Variants in NPAS2 observed in about 807,000 individuals in gnomAD.
NPAS2 encodes the protein neuronal PAS domain protein 2.
Under a neutral mutation model 107.5 loss-of-function variants are expected in NPAS2, and 23 were observed. The observed-to-expected ratio is 0.21, with a 90% CI of 0.15 to 0.30. NPAS2 has a LOEUF of 0.30. Ranked by LOEUF, NPAS2 falls within the 10% of genes least tolerant of loss-of-function variation. The pLI, the probability that NPAS2 is intolerant of heterozygous loss-of-function variation, is 1.00. For missense variants in NPAS2, 756 were observed against 1,043.3 expected, an observed-to-expected ratio of 0.72 and a Z score of 3.79; for synonymous variants, 403 against 417.5, an observed-to-expected ratio of 0.97 and a Z score of 0.42.
chr2:100,927,684 A>G (rs1392930588), intron 3 of NPAS2, among the ~76,000 whole-genome samples: 2 of 152,194 alleles, frequency 1.3e-5, no homozygotes, highest in Non-Finnish European at 2.9e-5. Flanking sequence ...TCATTAGTGT[A>G]TAGTATTCCA....
At chr2:100,836,983 C>T (rs367620664) in intron 1 of NPAS2, among the ~76,000 whole-genome samples, 7 of 152,292 alleles carry the variant, frequency 4.6e-5, no homozygotes, top group African/African-American at 1.4e-4. Flanking sequence ...TACCTTTGAA[C>T]ACTTTAGTGT....
At chr2:100,872,301 C>T (rs959534683) in intron 1 of NPAS2, among the ~76,000 whole-genome samples, 1 of 152,218 alleles carries the variant, frequency 6.6e-6, no homozygotes, top group African/African-American at 2.4e-5. Flanking sequence ...GCAAGTCACT[C>T]TCACTGTGCC....
intron 1 of NPAS2, among the ~76,000 whole-genome samples, chr2:100,824,826 C>G (rs1001934798): frequency 6.6e-6 from 1 of 152,182 alleles, no homozygotes; most frequent in Non-Finnish European, 1.5e-5. Flanking sequence ...TTGCCTTCCA[C>G]GCTCCCTGAA....
At chr2:100,889,825 A>G (rs764560698) in intron 1 of NPAS2, among the ~76,000 whole-genome samples, 2 of 152,108 alleles carry the variant, frequency 1.3e-5, no homozygotes, top group Non-Finnish European at 2.9e-5. Flanking sequence ...ATACATCTCA[A>G]TGCTTTTTAC....
chr2:100,993,227 C>T, intron 19 of NPAS2, 120 bp from the exon 20 acceptor site: 1 of 992,836 alleles, frequency 1.0e-6, no homozygotes, highest in Non-Finnish European at 1.5e-6. Flanking sequence ...GCCACCGCGC[C>T]TGGCCAAAAG....
At position 100,958,901 on chromosome 2, in the gene NPAS2, A is replaced by G. The variant is rs534457518; in HGVS notation, c.599-5157A>G. On this transcript the variant is annotated intron_variant, in intron 7 of 20. Transcript: ENST00000335681. ...ATACTCATTTTAATTAATAATTGCC[A>G]GAGGAAAGAAGAAATATTTGAGTAA... Among the ~76,000 whole-genome samples, 40 of 152,234 alleles carry G rather than the reference A, an allele frequency of 2.6e-4. No individual in the cohort carries two copies. The East Asian group carries it at 7.7e-3, about 29-fold the overall frequency.
At chr2:100,821,341 T>A (rs1263350763) in intron 1 of NPAS2, 1 of 685,832 alleles carries the variant, frequency 1.5e-6, no homozygotes, top group Non-Finnish European at 2.1e-6. Context: ...GAGGCTTTAG[T>A]ACGGAAAGTT....
chr2:100,974,375 G>C (rs1213602895), intron 12 of NPAS2, among the ~76,000 whole-genome samples: 1 of 152,188 alleles, frequency 6.6e-6, no homozygotes, highest in African/African-American at 2.4e-5. Flanking sequence ...AGTAACAGGA[G>C]AAAGCCTGGG....
At chr2:100,879,914 C>T (rs1680224950) in intron 1 of NPAS2, among the ~76,000 whole-genome samples, 2 of 152,254 alleles carry the variant, frequency 1.3e-5, no homozygotes, top group Admixed American at 1.3e-4. Context: ...AGGGCTGGTC[C>T]CTCCACACAG....
In NPAS2 at chr2:100,995,560, GC is replaced by G; in HGVS notation, c.2455del (p.Leu819SerfsTer19). 1 of 1,607,368 alleles carries G rather than the reference GC, an allele frequency of 6.2e-7. No individual in the cohort carries two copies. The highest frequency in any genetic ancestry group is 8.5e-7 in the Non-Finnish European group (1 of 1,176,464). On this transcript the variant is annotated frameshift_variant, in exon 21 of 21. Coordinates refer to ENST00000335681, the MANE Select transcript of NPAS2 (RefSeq NM_002518.4). LOFTEE classifies it high-confidence loss of function. The stretch of plus-strand genomic sequence containing the variant: ...GTCAGCAGTCTGTCTGAGTCGTCAG[GC>G]CTCCAGCAGCCGCCCCGATAATGCC... The part of the protein sequence containing the change: ...RRVSSLSESS[G>X]LQQPPR
Position 100,855,959 on chromosome 2 carries a change from A to G in NPAS2, c.-23+35545A>G, listed in dbSNP as rs1176036805. Among the ~76,000 whole-genome samples the G allele has an allele frequency of 5.3e-5, 8 of 152,192 alleles. No individual in the cohort carries two copies. The East Asian group carries it at 1.3e-3, about 26-fold the overall frequency. On this transcript the variant is annotated intron_variant, in intron 1 of 20. Coordinates refer to ENST00000335681, the MANE Select transcript of NPAS2 (RefSeq NM_002518.4). ...GTTGGAGTCCGTACTGCCTTCTCCC[A>G]AGGACTCCTCTGAGAAATAACCCCT...
At chr2:100,912,518 A>G (rs1682623785) in intron 2 of NPAS2, among the ~76,000 whole-genome samples, 1 of 152,188 alleles carries the variant, frequency 6.6e-6, no homozygotes, top group Non-Finnish European at 1.5e-5. Context: ...TGGATCTTTG[A>G]CTAGGGTAGG....
intron 1 of NPAS2, among the ~76,000 whole-genome samples, chr2:100,876,457 G>A (rs995557127): frequency 4.6e-5 from 7 of 152,186 alleles, no homozygotes; most frequent in African/African-American, 9.7e-5. Context: ...TCTTCCTTTC[G>A]GACCTGGCCT....
In NPAS2 at chr2:100,973,934, G is replaced by T. The variant is rs190722807; in HGVS notation, c.1141-869G>T. Among the ~76,000 whole-genome samples, 4 of 152,128 alleles carry T rather than the reference G, an allele frequency of 2.6e-5. No homozygotes were observed. In the East Asian group the frequency reaches 5.8e-4, roughly 22 times the overall value. ...TCAGCTCACTGCAACCTCTGCCTCC[G>T]AAGTTCAAACCATTCTCCTGCCTCA... On this transcript the variant is annotated intron_variant, in intron 12 of 20. Transcript: ENST00000335681.
chr2:100,873,301 TATATATACACACAC>T (rs1390139965), intron 1 of NPAS2, among the ~76,000 whole-genome samples: 3,736 of 64,604 alleles, frequency 0.058, 98 homozygotes, highest in Non-Finnish European at 0.079. Flanking sequence ...TATATATATA[TATATATACACACAC>T]ACACACACAC....
intron 1 of NPAS2, among the ~76,000 whole-genome samples, chr2:100,884,170 C>G (rs1262769376): frequency 6.6e-6 from 1 of 152,116 alleles, no homozygotes; most frequent in Non-Finnish European, 1.5e-5. Flanking sequence ...AAGCTGCTTG[C>G]TTTTGTGTGA....
At chr2:100,906,573 T>C (rs1682160283) in intron 2 of NPAS2, among the ~76,000 whole-genome samples, 1 of 152,252 alleles carries the variant, frequency 6.6e-6, no homozygotes, top group African/African-American at 2.4e-5. Context: ...CAGCACACTT[T>C]ACAGTAATAC....
At chr2:100,857,741 T>C (rs1678673541) in intron 1 of NPAS2, among the ~76,000 whole-genome samples, 2 of 152,250 alleles carry the variant, frequency 1.3e-5, no homozygotes, top group South Asian at 4.1e-4. Context: ...CGGCGTCTGC[T>C]ACAGGGCAGG....
At chr2:100,975,105 C>T (rs975528147) in intron 13 of NPAS2, among the ~76,000 whole-genome samples, 161 bp downstream of exon 13, 3 of 152,136 alleles carry the variant, frequency 2.0e-5, no homozygotes, top group Non-Finnish European at 2.9e-5. Context: ...GACTTCCCGC[C>T]TCCTGATCAC....
Sources: gnomAD v4.1 joint callset for allele counts (sites outside exome capture counted in the v4.1 genomes callset) on GRCh38, gnomAD v4.1.1 for gene constraint, MANE v1.5 for transcripts, NCBI Gene and HGNC (gene_info 2026-07-23, HGNC 2026-07-21) for gene names.